FCHO1: variants seen among roughly 807,000 people sequenced by gnomAD.
FCHO1 encodes FCH and mu domain containing endocytic adaptor 1, also known as F-BAR domain only protein 1.
Under a neutral mutation model 114.4 loss-of-function variants are expected in FCHO1, and 45 were observed. That is an observed-to-expected ratio of 0.39 (90% CI 0.31 to 0.50). The LOEUF (loss-of-function observed/expected upper bound fraction) is 0.50, where lower values mean the gene tolerates loss of function less well. FCHO1 is among the 20% of genes least tolerant of loss of function. The pLI, the probability that FCHO1 is intolerant of heterozygous loss-of-function variation, is 0.77. For synonymous variants in FCHO1, 480 were observed against 488.9 expected, an observed-to-expected ratio of 0.98 and a Z score of 0.24; for missense variants, 1,042 against 1,209.6, an observed-to-expected ratio of 0.86 and a Z score of 2.06.
chr19:17,777,418 C>T (rs1477658096), intron 18 of FCHO1, among the ~76,000 whole-genome samples: 2 of 151,234 alleles, frequency 1.3e-5, no homozygotes. Context: ...TGCCTGTAAT[C>T]CCAGCTATTC....
At chr19:17,767,120 T>C (rs2089549985) in intron 7 of FCHO1, among the ~76,000 whole-genome samples, 1 of 139,710 alleles carries the variant, frequency 7.2e-6, no homozygotes, top group South Asian at 2.4e-4. Context: ...AGGGTCTCAC[T>C]CTGTCACCCA....
chr19:17,760,554 A>G (rs1156399670), intron 4 of FCHO1, among the ~76,000 whole-genome samples: 1 of 152,220 alleles, frequency 6.6e-6, no homozygotes, highest in Non-Finnish European at 1.5e-5. Context: ...AGCATAAGCA[A>G]ATTTAAAACA....
Position 17,775,386 on chromosome 19 carries a change from G to T in FCHO1, c.946-70G>T, listed in dbSNP as rs543213453. On this transcript the variant is annotated intron_variant, in intron 14 of 28. Coordinates refer to ENST00000596536, the MANE Select transcript of FCHO1 (RefSeq NM_015122.3). This position sits in a 1 kb window ranked among gnomAD's most constrained non-coding sequence, Gnocchi z 5.1. ...AAGGCCTGGGGGCAGGGCGGGGGGC[G>T]GTTGGCAGGGTGAGATGGAAGGTTC... 2.7e-6 allele frequency: 4 copies of T among 1,474,700 alleles called. No individual in the cohort carries two copies. In the East Asian group the frequency reaches 6.8e-5, roughly 25 times the overall value. The allele number at this position is 1,474,700 out of a possible 1,614,324, so 91.4% of individuals were successfully genotyped here. A position where few individuals can be genotyped will look rare whatever the true frequency, so the allele number is the denominator to read the frequency against.
intron 4 of FCHO1, among the ~76,000 whole-genome samples, chr19:17,761,445 T>C (rs959550494): frequency 6.6e-6 from 1 of 151,768 alleles, no homozygotes; most frequent in South Asian, 2.1e-4. Context: ...ACTTTCTTGA[T>C]TTCTTTTCAG....
rs754360221 is a variant in FCHO1 at position 17,787,713 on chromosome 19, G to A, written c.2514G>A (p.Pro838=). 2.3e-5 allele frequency: 36 copies of A among 1,572,094 alleles called. No individual in the cohort carries two copies. Among genetic ancestry groups the A allele is most frequent in the East Asian group, 6.9e-5 (3 of 43,566 alleles). The change falls in exon 28 of 29, where the codon CCG becomes CCA. Residue 838 remains proline, a synonymous_variant. Transcript: ENST00000596536. ...GCCGCCTCTCTGCCAGCTGGGAGCC[G>A]CTCTCAGGGCCCAGCACACCCAGCC... ...GSGRLSASWE[P]LSGPSTPSPV... is the part of the protein sequence containing the mutation.
chr19:17,749,642 C>T (rs1026773720), upstream of FCHO1, among the ~76,000 whole-genome samples: 62 of 152,048 alleles, frequency 4.1e-4, 1 homozygote, highest in African/African-American at 1.4e-3. Context: ...ACTTGGTGGC[C>T]CGAGTCACTG....
At chr19:17,759,214 C>T (rs753475493) in intron 4 of FCHO1, among the ~76,000 whole-genome samples, 18 of 99,904 alleles carry the variant, frequency 1.8e-4, no homozygotes, top group Non-Finnish European at 2.9e-4. Context: ...CCCTCAGACC[C>T]CAGCTGATTA....
At position 17,766,769 on chromosome 19, in the gene FCHO1, G is replaced by A. The variant is rs750035566; in HGVS notation, c.295G>A (p.Val99Ile). Residue 99 changes from valine (V) to isoleucine (I), a missense_variant, in exon 7 of 29, where the codon GTT (valine) becomes ATT (isoleucine). Physicochemically the swap from Val to Ile is conservative, Grantham distance 29. This residue lies in a region of FCHO1 where 450 missense variants were observed against 564.1 expected (regional missense o/e 0.80). Transcript: ENST00000596536. ...GAAGTTACAGGATCTCATCAAGGAC[G>A]TTCTCCGCTACGGCGAGGAACAGCT... ...TRKLQDLIKD[V>I]LRYGEEQLKT... 11 of 1,614,020 alleles carry A rather than the reference G, an allele frequency of 6.8e-6. No homozygotes were observed. The highest frequency in any genetic ancestry group is 1.6e-4 in the Middle Eastern group (1 of 6,084).
chr19:17,757,178 C>T lies in FCHO1; in HGVS notation c.27+1987C>T, dbSNP rs1288163007. Among the ~76,000 whole-genome samples the T allele has an allele frequency of 4.3e-5, 6 of 141,084 alleles. No individual in the cohort carries two copies. The East Asian group carries it at 8.0e-4, about 19-fold the overall frequency. The allele number at this position is 141,084 out of a possible 152,430, so 92.6% of individuals were successfully genotyped here. A position where few individuals can be genotyped will look rare whatever the true frequency, so the allele number is the denominator to read the frequency against. The stretch of plus-strand genomic sequence containing the variant: ...CAGCCTGGGTGATGGAGTGAGACTC[C>T]GTCTAAAAAAAAAAAAAAAAAAAAA... On this transcript the variant is annotated intron_variant, in intron 4 of 28. Coordinates refer to ENST00000596536, the MANE Select transcript of FCHO1 (RefSeq NM_015122.3).
At chr19:17,754,147 C>G (rs2082731233) in intron 1 of FCHO1, 170 bp from the exon 2 acceptor site, 1 of 152,260 alleles carries the variant, frequency 6.6e-6, no homozygotes, top group African/African-American at 2.4e-5. Flanking sequence ...CCTGTGGGGT[C>G]ATGAATTATG....
intron 26 of FCHO1, 44 bp from the exon 27 acceptor site, chr19:17,786,530 C>T (rs1275208091): frequency 1.9e-6 from 3 of 1,604,038 alleles, no homozygotes; most frequent in Non-Finnish European, 2.6e-6. Flanking sequence ...GGGCTCTCAG[C>T]ATCCTCTCTG....
At chr19:17,761,683 G>A (rs569020789) in intron 4 of FCHO1, among the ~76,000 whole-genome samples, 121 of 147,646 alleles carry the variant, frequency 8.2e-4, no homozygotes, top group Non-Finnish European at 1.4e-3. Context: ...GCCCTGAGAC[G>A]GAGTCTTCCT....
intron 5 of FCHO1, among the ~76,000 whole-genome samples, chr19:17,763,766 T>C (rs1178305588): frequency 6.6e-6 from 1 of 151,780 alleles, no homozygotes; most frequent in Non-Finnish European, 1.5e-5. Flanking sequence ...TCTCATTATA[T>C]TGCCCAGGGT....
chr19:17,780,457 C>T (rs2093293796), intron 20 of FCHO1, among the ~76,000 whole-genome samples: 1 of 152,104 alleles, frequency 6.6e-6, no homozygotes, highest in African/African-American at 2.4e-5. Flanking sequence ...AGCCACCGCA[C>T]CCGGCCTGAG....
chr19:17,749,729 C>T (rs1037353812), upstream of FCHO1, among the ~76,000 whole-genome samples: 12 of 152,076 alleles, frequency 7.9e-5, no homozygotes, highest in South Asian at 2.1e-4. Flanking sequence ...GGTGTGGTGA[C>T]GAGAATCAAG....
chr19:17,784,753 C>T lies in FCHO1; in HGVS notation c.2255C>T (p.Pro752Leu), dbSNP rs952011468. 8.7e-6 allele frequency: 14 copies of T among 1,614,120 alleles called. No individual in the cohort carries two copies. Among genetic ancestry groups the T allele is most frequent in the Non-Finnish European group, 1.2e-5 (14 of 1,180,034 alleles). ...TCCCGCCCGGGTCCCCAGTCTGTGC[C>T]TCTGCAGCTCAGTGCCCACTGGCAG... is the stretch of plus-strand genomic sequence containing the variant. The part of the protein sequence containing the change: ...QFSRPGPQSV[P>L]LQLSAHWQCG... Residue 752 changes from proline (P) to leucine (L), a missense_variant, in exon 26 of 29, where the codon CCT becomes CTT. This residue lies in a region of FCHO1 where 137 missense variants were observed against 190.0 expected (regional missense o/e 0.72). Transcript: ENST00000596536. The surrounding 1 kb of genome is among the most constrained non-coding windows in gnomAD (Gnocchi z 5.3).
In FCHO1 at chr19:17,776,018, T is replaced by C. The variant is rs2092588831; in HGVS notation, c.1039T>C (p.Ser347Pro). 1 of 1,609,302 alleles carries C rather than the reference T, an allele frequency of 6.2e-7. No individual in the cohort carries two copies. The highest frequency in any genetic ancestry group is 8.5e-7 in the Non-Finnish European group (1 of 1,179,964). ...AEPSRFSSSDSDFDDEEPRKF... is the reference protein window; with the variant it reads ...AEPSRFSSSDPDFDDEEPRKF... ...GCCCTCCCGTTTCTCGTCCAGCGAC[T>C]CCGACTTCGACGATGAAGAGCCCCG... The change falls in exon 16 of 29, where the codon TCC (serine) becomes CCC (proline). Residue 347 changes from serine to proline, a missense_variant. Around this residue, in one of 3 missense-constraint regions of FCHO1, gnomAD observed 450 missense variants for 564.1 expected, o/e 0.80. Coordinates refer to ENST00000596536, the MANE Select transcript of FCHO1 (RefSeq NM_015122.3). This position sits in a 1 kb window ranked among gnomAD's most constrained non-coding sequence, Gnocchi z 4.4.
At chr19:17,774,741 C>T (rs2092375135) in intron 13 of FCHO1, 1 of 587,622 alleles carries the variant, frequency 1.7e-6, no homozygotes. Context: ...TAGCATCTTC[C>T]CTGCCCAAGC....
At chr19:17,767,359 A>G (rs533240779) in intron 7 of FCHO1, among the ~76,000 whole-genome samples, 1 of 147,220 alleles carries the variant, frequency 6.8e-6, no homozygotes, top group Admixed American at 7.0e-5. Flanking sequence ...GGAGTTTGAG[A>G]CCAGCCTGGG....
Sources: allele counts gnomAD v4.1 joint callset (sites outside exome capture counted in the v4.1 genomes callset), GRCh38; gene constraint gnomAD v4.1.1; regional missense constraint gnomAD v4.1.1; non-coding constraint Gnocchi (gnomAD v3.1); transcripts MANE v1.5; gene names NCBI Gene and HGNC (gene_info 2026-07-23, HGNC 2026-07-21).